Variants in OPCML observed in about 807,000 individuals in gnomAD.
OPCML encodes the protein opioid-binding protein/cell adhesion molecule.
OPCML carries 13 observed loss-of-function variants against 37.8 expected under a neutral mutation model. The observed-to-expected ratio is 0.34, with a 90% CI of 0.22 to 0.55. OPCML has a LOEUF of 0.55. OPCML is among the 20% of genes least tolerant of loss of function. OPCML has a pLI of 0.91. For synonymous variants in OPCML, 176 were observed against 168.8 expected (o/e 1.04, Z -0.33); for missense variants, 341 against 435.6 (o/e 0.78, Z 1.93).
At chr11:132,804,338 G>C (rs756842634) in intron 2 of OPCML, among the ~76,000 whole-genome samples, 1 of 152,156 alleles carries the variant, frequency 6.6e-6, no homozygotes, top group Non-Finnish European at 1.5e-5. Context: ...AAAGCAGCTG[G>C]AGATTCTAGA....
At chr11:133,334,792 G>A (rs1943706500) in intron 1 of OPCML, among the ~76,000 whole-genome samples, 1 of 152,164 alleles carries the variant, frequency 6.6e-6, no homozygotes, top group Admixed American at 6.5e-5. Context: ...ACTTTGGTGA[G>A]GATTAACTTG....
intron 1 of OPCML, among the ~76,000 whole-genome samples, chr11:133,122,989 C>A (rs1025368616): frequency 1.4e-4 from 22 of 152,208 alleles, no homozygotes; most frequent in Admixed American, 1.4e-3. Flanking sequence ...GATAGATATT[C>A]TAAAATTCTC....
At chr11:132,899,835 G>A (rs534051719) in intron 2 of OPCML, among the ~76,000 whole-genome samples, 3 of 151,990 alleles carry the variant, frequency 2.0e-5, no homozygotes, top group Non-Finnish European at 4.4e-5. Flanking sequence ...TTCTTTCCTG[G>A]AGCTCGGATA....
chr11:133,414,857 G>A (rs1215019970), intron 1 of OPCML, among the ~76,000 whole-genome samples: 1 of 152,110 alleles, frequency 6.6e-6, no homozygotes, highest in African/African-American at 2.4e-5. Flanking sequence ...TGACCTTGGA[G>A]AATTTGTCAC....
At chr11:133,340,894 A>T (rs1158355238) in intron 1 of OPCML, among the ~76,000 whole-genome samples, 1 of 152,172 alleles carries the variant, frequency 6.6e-6, no homozygotes, top group East Asian at 1.9e-4. Flanking sequence ...TCTTCTCTGC[A>T]AGGGCCACAT....
intron 1 of OPCML, among the ~76,000 whole-genome samples, chr11:132,974,218 C>T (rs536551445): frequency 6.6e-6 from 1 of 152,308 alleles, no homozygotes; most frequent in East Asian, 1.9e-4. Context: ...ACTAAATTAA[C>T]TTTTTAACTT....
At chr11:133,140,598 A>G (rs1358676857) in intron 1 of OPCML, among the ~76,000 whole-genome samples, 2 of 148,028 alleles carry the variant, frequency 1.4e-5, no homozygotes, top group East Asian at 3.9e-4. Context: ...AAGAAAGAAG[A>G]AAGAAGAAAG....
At chr11:132,726,858 T>C (rs1170210635) in intron 2 of OPCML, among the ~76,000 whole-genome samples, 1 of 152,186 alleles carries the variant, frequency 6.6e-6, no homozygotes, top group Non-Finnish European at 1.5e-5. Context: ...GTGCCTGAAA[T>C]ACCTCCCATC....
At position 132,416,307 on chromosome 11, in the gene OPCML, T is replaced by A. The variant is rs2095938355; in HGVS notation, c.*3886A>T. 6.6e-6 allele frequency: 1 copy of A among 152,122 alleles called. No individual in the cohort carries two copies. Among genetic ancestry groups the A allele is most frequent in the Admixed American group, 6.5e-5 (1 of 15,274 alleles). The allele number at this position is 152,122 out of a possible 1,614,324, so 9.4% of individuals were successfully genotyped here. ...GGAAAGATGCCCCACCACCAGATCT[T>A]ACCTCATCTTAAGCCATTCCTCCCC... On this transcript the variant is annotated 3_prime_UTR_variant, in exon 8 of 8. Coordinates refer to ENST00000524381, the MANE Select transcript of OPCML (RefSeq NM_001012393.5).
rs146086661 is a variant in OPCML at position 133,072,918 on chromosome 11, T to C, written c.62-129908A>G. 6.6e-3 allele frequency among the ~76,000 whole-genome samples: 1,002 copies of C among 152,200 alleles called. 9 individuals are homozygous for C. The highest frequency in any genetic ancestry group is 0.023 in the African/African-American group (948 of 41,514). On this transcript the variant is annotated intron_variant, in intron 1 of 7. Transcript: ENST00000524381. ...AGGAGAACATTGCCTGAGACAAGGG[T>C]TGGTGTGAAGACAGATTATTTTGGA...
In OPCML at chr11:132,943,762, C is replaced by G. The variant is rs996689455; in HGVS notation, c.62-752G>C. On this transcript the variant is annotated intron_variant, in intron 1 of 7. Coordinates refer to ENST00000524381, the MANE Select transcript of OPCML (RefSeq NM_001012393.5). This position sits in a 1 kb window ranked among gnomAD's most constrained non-coding sequence, Gnocchi z 4.3. Reference sequence around the variant, plus strand: ...TCGCGGCCAGCCGGGGGAGCGCCGCCCGGCGCAGGCTCCGGGCGCACGGGG... The same window carrying G: ...TCGCGGCCAGCCGGGGGAGCGCCGCGCGGCGCAGGCTCCGGGCGCACGGGG... 8.0e-5 allele frequency: 12 copies of G among 150,664 alleles called. No individual in the cohort carries two copies. Among genetic ancestry groups the G allele is most frequent in the Non-Finnish European group, 1.5e-4 (10 of 67,616 alleles). 9.3% of individuals were successfully genotyped at this position (150,664 alleles called of 1,614,324 possible).
intron 1 of OPCML, among the ~76,000 whole-genome samples, chr11:133,018,672 G>C (rs1459712201): frequency 6.6e-6 from 1 of 152,210 alleles, no homozygotes; most frequent in African/African-American, 2.4e-5. Flanking sequence ...TTGAGAAGCC[G>C]TTCAGTATAA....
intron 2 of OPCML, among the ~76,000 whole-genome samples, chr11:132,740,620 T>A (rs1327544722): frequency 1.3e-5 from 2 of 152,132 alleles, no homozygotes; most frequent in Admixed American, 1.3e-4. Context: ...GGTCAGTGAT[T>A]CCCAAAGTCT....
chr11:133,133,470 G>A (rs140758116), intron 1 of OPCML, among the ~76,000 whole-genome samples: 13 of 151,858 alleles, frequency 8.6e-5, no homozygotes, highest in African/African-American at 2.9e-4. Context: ...CCTCACCTTC[G>A]GGCTGCTCAT....
At chr11:132,480,131 G>T (rs549570192) in intron 4 of OPCML, among the ~76,000 whole-genome samples, 11 of 152,246 alleles carry the variant, frequency 7.2e-5, no homozygotes, top group Admixed American at 5.2e-4. Context: ...AAAAAATTTA[G>T]AAGAATGTAT....
At chr11:132,515,681 T>G (rs534072219) in intron 4 of OPCML, among the ~76,000 whole-genome samples, 3 of 152,212 alleles carry the variant, frequency 2.0e-5, no homozygotes, top group Non-Finnish European at 4.4e-5. Context: ...TCTTCCCCTT[T>G]TCCTCCTTCT....
chr11:133,219,212 G>A (rs1466477141), intron 1 of OPCML, among the ~76,000 whole-genome samples: 3 of 152,178 alleles, frequency 2.0e-5, no homozygotes, highest in Non-Finnish European at 2.9e-5. Context: ...CCATAAGTTA[G>A]CCAGTGAGTA....
chr11:132,790,570 A>G (rs1937835960), intron 2 of OPCML, among the ~76,000 whole-genome samples: 1 of 152,230 alleles, frequency 6.6e-6, no homozygotes. Flanking sequence ...CAGATTCTCA[A>G]GACTGTCTCA....
At chr11:132,692,059 A>G (rs1224522713) in intron 2 of OPCML, among the ~76,000 whole-genome samples, 1 of 152,190 alleles carries the variant, frequency 6.6e-6, no homozygotes, top group Non-Finnish European at 1.5e-5. Flanking sequence ...ATCTAACACA[A>G]TGCAGCACCT....
Sources: gnomAD v4.1 joint callset for allele counts (sites outside exome capture counted in the v4.1 genomes callset) on GRCh38, gnomAD v4.1.1 for gene constraint, Gnocchi (gnomAD v3.1) non-coding constraint, MANE v1.5 for transcripts, NCBI Gene and HGNC (gene_info 2026-07-23, HGNC 2026-07-21) for gene names.